KCTD8: variants seen among roughly 807,000 people sequenced by gnomAD.
KCTD8 encodes the protein potassium channel tetramerization domain containing 8.
Under a neutral mutation model 31.5 loss-of-function variants are expected in KCTD8, and 27 were observed. The ratio of observed to expected loss-of-function variants is 0.86; its 90% CI spans 0.63 to 1.18. KCTD8 has a LOEUF of 1.18. Among genes scored for constraint, KCTD8 ranks in the 50% most tolerant of loss-of-function variants. The probability of loss-of-function intolerance (pLI) is 0.00; values close to 1 mark genes in which losing one functional copy is unlikely to be tolerated. For synonymous variants in KCTD8, 290 were observed against 280.0 expected (o/e 1.04, Z -0.36); for missense variants, 658 against 647.7 (o/e 1.02, Z -0.17).
At chr4:44,343,769 A>ATTAACACATTAATAAAC (rs1553902575) in intron 1 of KCTD8, among the ~76,000 whole-genome samples, 10 of 152,226 alleles carry the variant, frequency 6.6e-5, no homozygotes, top group Non-Finnish European at 1.0e-4. Flanking sequence ...AGTAAACTGT[A>ATTAACACATTAATAAAC]ACAAAAAATG....
At chr4:44,228,004 C>T (rs1247119816) in intron 1 of KCTD8, among the ~76,000 whole-genome samples, 1 of 152,030 alleles carries the variant, frequency 6.6e-6, no homozygotes, top group Admixed American at 6.6e-5. Context: ...TATTTAATAC[C>T]TATTATTGGC....
chr4:44,434,544 T>C (rs147960365), intron 1 of KCTD8, among the ~76,000 whole-genome samples: 1 of 151,840 alleles, frequency 6.6e-6, no homozygotes, highest in African/African-American at 2.4e-5. Flanking sequence ...ATGTCTATAC[T>C]CACCCATCAC....
intron 1 of KCTD8, among the ~76,000 whole-genome samples, chr4:44,389,199 AAGATCT>A (rs1405172801): frequency 2.0e-5 from 3 of 151,806 alleles, no homozygotes; most frequent in Non-Finnish European, 4.4e-5. Flanking sequence ...TAGAATGAAT[AAGATCT>A]AGTATTTGAC....
intron 1 of KCTD8, among the ~76,000 whole-genome samples, chr4:44,303,282 T>G (rs542727152): frequency 6.6e-6 from 1 of 152,098 alleles, no homozygotes; most frequent in East Asian, 1.9e-4. Context: ...TGGAATAGTT[T>G]CAGAAGGAAT....
intron 1 of KCTD8, among the ~76,000 whole-genome samples, chr4:44,364,381 G>A (rs1038002650): frequency 5.6e-5 from 7 of 125,532 alleles, no homozygotes; most frequent in Middle Eastern, 8.3e-3. Flanking sequence ...AAAACAATGA[G>A]TTACTACTAC....
chr4:44,427,808 C>G lies in KCTD8; in HGVS notation c.961+19755G>C, dbSNP rs1721384176. On this transcript the variant is annotated intron_variant, in intron 1 of 1. Transcript: ENST00000360029. ...CAAGTCAAAGTGATGAGTAATGTCA[C>G]AGCATACATTAAATAGACAAAAATA... Among the ~76,000 whole-genome samples, 2 of 151,690 alleles carry G rather than the reference C, an allele frequency of 1.3e-5. 1 individual carries two copies. The highest frequency in any genetic ancestry group is 4.1e-4 in the South Asian group (2 of 4,824).
intron 1 of KCTD8, among the ~76,000 whole-genome samples, chr4:44,264,627 C>T (rs921898574): frequency 2.6e-5 from 4 of 152,174 alleles, no homozygotes; most frequent in African/African-American, 9.7e-5. Context: ...AGTTCCCTTT[C>T]CTGGTCAAGG....
At chr4:44,191,935 A>C (rs1713775992) in intron 1 of KCTD8, among the ~76,000 whole-genome samples, 1 of 151,712 alleles carries the variant, frequency 6.6e-6, no homozygotes, top group South Asian at 2.1e-4. Flanking sequence ...CTGTTCATAC[A>C]CCCCCTCCCT....
chr4:44,227,962 C>T (rs1352493505), intron 1 of KCTD8, among the ~76,000 whole-genome samples: 2 of 152,196 alleles, frequency 1.3e-5, no homozygotes, highest in African/African-American at 4.8e-5. Context: ...TAGTGATCCT[C>T]TTAAAGCATA....
At chr4:44,257,150 T>C (rs1477557122) in intron 1 of KCTD8, among the ~76,000 whole-genome samples, 2 of 151,942 alleles carry the variant, frequency 1.3e-5, no homozygotes, top group Admixed American at 6.6e-5. Flanking sequence ...GTCTGATCTT[T>C]AGTTTGGGTT....
intron 1 of KCTD8, among the ~76,000 whole-genome samples, chr4:44,320,180 A>AG (rs1473597761): frequency 6.9e-6 from 1 of 144,620 alleles, no homozygotes. Flanking sequence ...CAAAAAAAAA[A>AG]AAAAAAAAAA....
intron 1 of KCTD8, among the ~76,000 whole-genome samples, chr4:44,194,864 T>TC (rs1713890973): frequency 7.9e-6 from 1 of 125,818 alleles, no homozygotes; most frequent in Admixed American, 8.1e-5. Context: ...ACTCTCTCTC[T>TC]TTTTTTTTTG....
intron 1 of KCTD8, among the ~76,000 whole-genome samples, chr4:44,269,369 T>A (rs199558156): frequency 6.7e-6 from 1 of 150,142 alleles, no homozygotes; most frequent in African/African-American, 2.5e-5. Context: ...CCCTTCCTTA[T>A]ACCTTATACA....
At chr4:44,404,483 T>C (rs1720738570) in intron 1 of KCTD8, among the ~76,000 whole-genome samples, 1 of 152,208 alleles carries the variant, frequency 6.6e-6, no homozygotes, top group South Asian at 2.1e-4. Flanking sequence ...TATGACATTT[T>C]ATATTTCTAT....
At chr4:44,219,931 A>G (rs757537002) in intron 1 of KCTD8, among the ~76,000 whole-genome samples, 27 of 152,208 alleles carry the variant, frequency 1.8e-4, no homozygotes, top group Non-Finnish European at 2.6e-4. Flanking sequence ...GGCAATACTA[A>G]CGTATAATTT....
At chr4:44,376,888 G>T (rs1410002836) in intron 1 of KCTD8, among the ~76,000 whole-genome samples, 2 of 152,136 alleles carry the variant, frequency 1.3e-5, no homozygotes, top group Non-Finnish European at 2.9e-5. Context: ...GCAGCAAGCG[G>T]CATGGAAAGA....
intron 1 of KCTD8, among the ~76,000 whole-genome samples, chr4:44,272,120 A>ATT (rs398107264): frequency 2.6e-5 from 3 of 113,216 alleles, no homozygotes; most frequent in Non-Finnish European, 4.9e-5. Context: ...ATGGTATTAT[A>ATT]TTATATATAT....
chr4:44,218,507 C>A (rs1577836457), intron 1 of KCTD8, among the ~76,000 whole-genome samples: 1 of 150,896 alleles, frequency 6.6e-6, no homozygotes, highest in East Asian at 2.0e-4. Context: ...ACCCCATACT[C>A]CGTGATGTGC....
chr4:44,305,646 A>C (rs1257202654), intron 1 of KCTD8, among the ~76,000 whole-genome samples: 1 of 151,926 alleles, frequency 6.6e-6, no homozygotes, highest in Non-Finnish European at 1.5e-5. Flanking sequence ...CAGATTAAGC[A>C]GACAAAAACA....
Sources: gnomAD v4.1 joint callset for allele counts (sites outside exome capture counted in the v4.1 genomes callset) on GRCh38, gnomAD v4.1.1 for gene constraint, MANE v1.5 for transcripts, NCBI Gene and HGNC (gene_info 2026-07-23, HGNC 2026-07-21) for gene names.